Variants in ATG3 observed in about 807,000 individuals in gnomAD.
ATG3 encodes the protein ubiquitin-like-conjugating enzyme ATG3.
ATG3 carries 25 observed loss-of-function variants against 50.7 expected under a neutral mutation model. The ratio of observed to expected loss-of-function variants is 0.49; its 90% confidence interval spans 0.36 to 0.69. The LOEUF (loss-of-function observed/expected upper bound fraction) is 0.69, where lower values mean the gene tolerates loss of function less well. Ranked by LOEUF, ATG3 falls within the 30% of genes least tolerant of loss-of-function variation. The probability of loss-of-function intolerance (pLI) is 0.00; values close to 1 mark genes in which losing one functional copy is unlikely to be tolerated. For missense variants in ATG3, 281 were observed against 376.0 expected (o/e 0.75, Z 2.09); for synonymous variants, 119 against 125.5 (o/e 0.95, Z 0.34).
intron 2 of ATG3, among the ~76,000 whole-genome samples, chr3:112,554,064 A>T (rs6792947): frequency 3.4e-4 from 52 of 152,192 alleles, no homozygotes; most frequent in Non-Finnish European, 6.8e-4. Context: ...ATAAACTTTA[A>T]CCATTTGAGA....
chr3:112,537,962 T>A, intron 8 of ATG3, 72 bp from the exon 9 acceptor site: 1 of 1,414,152 alleles, frequency 7.1e-7, no homozygotes, highest in Admixed American at 2.4e-5. Flanking sequence ...AAAACTTATT[T>A]TTTCCATTCT....
intron 7 of ATG3, among the ~76,000 whole-genome samples, chr3:112,538,620 T>G (rs1282881577): frequency 1.3e-5 from 2 of 152,212 alleles, no homozygotes; most frequent in Non-Finnish European, 2.9e-5. Flanking sequence ...CATCACTGAG[T>G]GCTGTTTCAG....
chr3:112,536,660 G>A (rs71317507), intron 9 of ATG3, 58 bp from the exon 10 acceptor site: 79,309 of 1,583,596 alleles, frequency 0.05, 2,735 homozygotes, highest in Admixed American at 0.17. Flanking sequence ...AGTGGCTCAC[G>A]CCTGTAATCC....
At chr3:112,541,082 T>C (rs1933211428) in intron 7 of ATG3, among the ~76,000 whole-genome samples, 1 of 152,158 alleles carries the variant, frequency 6.6e-6, no homozygotes, top group Non-Finnish European at 1.5e-5. Flanking sequence ...CTGATGGGAT[T>C]CTGTGTAGTT....
chr3:112,553,270 T>C lies in ATG3; in HGVS notation c.164+10A>G, dbSNP rs752878851. On this transcript the variant is annotated intron_variant, in intron 3 of 11. Coordinates refer to ENST00000283290, the MANE Select transcript of ATG3 (RefSeq NM_022488.5). ...TACTAATTTTCTATTCTTTACTCAA[T>C]ATTACTTACCATTGCCATGTTGGAC... 3.1e-5 allele frequency: 49 copies of C among 1,600,760 alleles called. No homozygotes were observed. Among genetic ancestry groups the C allele is most frequent in the South Asian group, 5.5e-5 (5 of 90,754 alleles).
intron 10 of ATG3, chr3:112,534,611 C>T (rs13080749): frequency 0.065 from 12,401 of 189,472 alleles, 481 homozygotes; most frequent in Admixed American, 0.12. Context: ...AGGGCATAAT[C>T]TTAAAAAGCT....
chr3:112,544,004 G>C (rs780757441), intron 6 of ATG3, 53 bp downstream of exon 6: 3 of 1,339,824 alleles, frequency 2.2e-6, no homozygotes, highest in South Asian at 2.4e-5. Flanking sequence ...TAGATAGATA[G>C]ATAGGCAAAT....
At chr3:112,560,141 T>C (rs1933809308) in intron 1 of ATG3, among the ~76,000 whole-genome samples, 1 of 152,194 alleles carries the variant, frequency 6.6e-6, no homozygotes, top group Non-Finnish European at 1.5e-5. Flanking sequence ...TTATATTTCA[T>C]TTGGGCAGTC....
intron 2 of ATG3, among the ~76,000 whole-genome samples, chr3:112,556,452 G>A (rs1169349341): frequency 3.9e-5 from 6 of 151,900 alleles, no homozygotes; most frequent in Non-Finnish European, 5.9e-5. Context: ...GAGGTGAGGG[G>A]CACCTCTGCC....
intron 9 of ATG3, 113 bp from the exon 10 acceptor site, chr3:112,536,715 A>G: frequency 3.8e-6 from 4 of 1,063,828 alleles, no homozygotes; most frequent in Non-Finnish European, 5.4e-6. Context: ...TGGTCAGGAG[A>G]TCGAGACCAT....
chr3:112,557,923 C>T (rs1434211255), intron 2 of ATG3, among the ~76,000 whole-genome samples: 1 of 151,798 alleles, frequency 6.6e-6, no homozygotes, highest in African/African-American at 2.4e-5. Context: ...AGGTTTTTAG[C>T]CCAGTATTTA....
chr3:112,544,022 C>T (rs1933303022), intron 6 of ATG3, 35 bp downstream of exon 6: 1 of 1,469,272 alleles, frequency 6.8e-7, no homozygotes, highest in African/African-American at 1.4e-5. Context: ...AATAACTACT[C>T]ATTAAATTTA....
chr3:112,535,474 G>A (rs1345026304), intron 10 of ATG3: 2 of 152,066 alleles, frequency 1.3e-5, no homozygotes, highest in Admixed American at 1.3e-4. Flanking sequence ...AGTTTGATAA[G>A]CACCATCCTA....
At chr3:112,536,335 T>G (rs1471512613) in intron 10 of ATG3, 140 bp downstream of exon 10, 11 of 965,722 alleles carry the variant, frequency 1.1e-5, no homozygotes, top group Non-Finnish European at 1.0e-5. Flanking sequence ...AGAAAATTTC[T>G]AAGGAGGACA....
intron 2 of ATG3, among the ~76,000 whole-genome samples, chr3:112,553,743 G>GA (rs1933589700): frequency 6.6e-6 from 1 of 151,960 alleles, no homozygotes; most frequent in African/African-American, 2.4e-5. Context: ...ATAAAAATCT[G>GA]AAAAAAATTA....
At chr3:112,553,245 T>C (rs2107386809) in intron 3 of ATG3, 35 bp downstream of exon 3, 1 of 1,557,028 alleles carries the variant, frequency 6.4e-7, no homozygotes, top group Middle Eastern at 1.7e-4. Flanking sequence ...CCATGCATTT[T>C]ACTAATTTTC....
chr3:112,533,002 C>T (rs2082567065), intron 11 of ATG3: 1 of 1,181,810 alleles, frequency 8.5e-7, no homozygotes, highest in African/African-American at 1.6e-5. Flanking sequence ...TTTGAAACTT[C>T]TTAATGAGTA....
At chr3:112,547,103 T>A (rs1309815633) in intron 5 of ATG3, among the ~76,000 whole-genome samples, 2 of 152,212 alleles carry the variant, frequency 1.3e-5, no homozygotes, top group East Asian at 3.8e-4. Flanking sequence ...GAGTCTCAAC[T>A]GAAGGCAGCA....
Position 112,534,513 on chromosome 3 carries a change from AAT to A in ATG3, c.795-178_795-177del, listed in dbSNP as rs944026844. The A allele has an allele frequency of 1.3e-4, 49 of 372,378 alleles. No homozygotes were observed. In the Middle Eastern group the frequency reaches 4.3e-3, roughly 33 times the overall value. The allele number at this position is 372,378 out of a possible 1,614,324, so 23.1% of individuals were successfully genotyped here. A position where few individuals can be genotyped will look rare whatever the true frequency, so the allele number is the denominator to read the frequency against. On this transcript the variant is annotated intron_variant, in intron 10 of 11. Transcript: ENST00000283290. ...CCAATAACTATAAAATATTTATTAA[AAT>A]AGTTAAATTATAAAATATCTCCCCT... is the stretch of plus-strand genomic sequence containing the variant.
Sources: allele counts gnomAD v4.1 joint callset (sites outside exome capture counted in the v4.1 genomes callset), GRCh38; gene constraint gnomAD v4.1.1; transcripts MANE v1.5; gene names NCBI Gene and HGNC (gene_info 2026-07-23, HGNC 2026-07-21).